The following NT5DC1 variants were observed in gnomAD, a reference collection of about 807,000 sequenced individuals.
The protein encoded by NT5DC1 is 5'-nucleotidase domain-containing protein 1.
In NT5DC1, 42 loss-of-function variants were observed where a neutral mutation model predicts 59.4. The ratio of observed to expected loss-of-function variants is 0.71; its 90% CI spans 0.55 to 0.92. The LOEUF is 0.92. NT5DC1 is among the 40% of genes least tolerant of loss of function. The probability of loss-of-function intolerance (pLI) is 0.00; values close to 1 mark genes in which losing one functional copy is unlikely to be tolerated. For synonymous variants in NT5DC1, 172 were observed against 188.1 expected, an observed-to-expected ratio of 0.91 and a Z score of 0.70; for missense variants, 501 against 537.1, an observed-to-expected ratio of 0.93 and a Z score of 0.66.
intron 1 of NT5DC1, among the ~76,000 whole-genome samples, chr6:116,104,762 T>C (rs141977570): frequency 2.0e-5 from 3 of 152,366 alleles, no homozygotes; most frequent in African/African-American, 7.2e-5. Context: ...TGGTTTCTTA[T>C]AAGCAGGATC....
intron 6 of NT5DC1, chr6:116,137,441 G>A (rs1019462813): frequency 5.5e-5 from 9 of 163,430 alleles, no homozygotes; most frequent in Non-Finnish European, 2.7e-5. Flanking sequence ...CACTCACGTA[G>A]TACACCTGGC....
At chr6:116,158,193 A>T (rs1047959965) in intron 6 of NT5DC1, among the ~76,000 whole-genome samples, 19 of 152,218 alleles carry the variant, frequency 1.2e-4, no homozygotes, top group African/African-American at 4.6e-4. Context: ...GTTATCTGTC[A>T]TTGTTGGGAG....
At chr6:116,188,086 G>T (rs1781040857) in intron 6 of NT5DC1, among the ~76,000 whole-genome samples, 1 of 151,942 alleles carries the variant, frequency 6.6e-6, no homozygotes, top group Admixed American at 6.6e-5. Context: ...CAATAAACAT[G>T]AAAATGTGCT....
chr6:116,134,036 C>T (rs537030084), intron 6 of NT5DC1, among the ~76,000 whole-genome samples: 2 of 152,166 alleles, frequency 1.3e-5, no homozygotes, highest in Non-Finnish European at 1.5e-5. Context: ...GAAGTTTAGA[C>T]ATGCTGTCAT....
chr6:116,189,628 A>G (rs1181009560), intron 6 of NT5DC1, among the ~76,000 whole-genome samples: 2 of 151,996 alleles, frequency 1.3e-5, no homozygotes, highest in African/African-American at 2.4e-5. Flanking sequence ...AGTTTAAACC[A>G]GTTATGCAGA....
intron 6 of NT5DC1, among the ~76,000 whole-genome samples, chr6:116,180,500 C>A (rs1780852333): frequency 6.6e-6 from 1 of 152,046 alleles, no homozygotes; most frequent in African/African-American, 2.4e-5. Context: ...AGTGAAACTT[C>A]ATGAATGGAG....
At chr6:116,239,573 C>A (rs1258288755) in intron 11 of NT5DC1, among the ~76,000 whole-genome samples, 1 of 152,108 alleles carries the variant, frequency 6.6e-6, no homozygotes, top group Non-Finnish European at 1.5e-5. Flanking sequence ...TATGTTGAGG[C>A]CTTGAAGGGC....
chr6:116,164,699 T>G (rs1780422744), intron 6 of NT5DC1, among the ~76,000 whole-genome samples: 1 of 152,230 alleles, frequency 6.6e-6, no homozygotes. Flanking sequence ...GCTTTTGTGG[T>G]AGCAAGTATC....
intron 8 of NT5DC1, among the ~76,000 whole-genome samples, chr6:116,228,744 AC>A (rs1490531220): frequency 6.6e-6 from 1 of 152,198 alleles, no homozygotes; most frequent in African/African-American, 2.4e-5. Flanking sequence ...CTACTTCATT[AC>A]ATTCTCTATT....
At chr6:116,205,495 C>A (rs1781432214) in intron 6 of NT5DC1, among the ~76,000 whole-genome samples, 2 of 151,802 alleles carry the variant, frequency 1.3e-5, no homozygotes, top group South Asian at 4.1e-4. Context: ...GAGTCAGCAG[C>A]TTCTCCCTCT....
At chr6:116,113,762 T>C (rs1277966712) in intron 4 of NT5DC1, among the ~76,000 whole-genome samples, 1 of 152,190 alleles carries the variant, frequency 6.6e-6, no homozygotes, top group Non-Finnish European at 1.5e-5. Flanking sequence ...GTTCAACTCT[T>C]AGACTGAATT....
At chr6:116,174,978 A>C (rs1282569603) in intron 6 of NT5DC1, among the ~76,000 whole-genome samples, 1 of 152,192 alleles carries the variant, frequency 6.6e-6, no homozygotes, top group Admixed American at 6.5e-5. Context: ...AGGTTATTGA[A>C]TGACCATAAT....
chr6:116,120,786 C>T (rs767071838), intron 6 of NT5DC1: 31 of 1,613,334 alleles, frequency 1.9e-5, no homozygotes, highest in Non-Finnish European at 2.6e-5. Flanking sequence ...ATTCCAGGGG[C>T]ACCTCTTGGG....
At chr6:116,179,703 T>C (rs926328898) in intron 6 of NT5DC1, among the ~76,000 whole-genome samples, 3 of 152,154 alleles carry the variant, frequency 2.0e-5, no homozygotes, top group Non-Finnish European at 2.9e-5. Context: ...CTAAATCAGC[T>C]TCAGTGATGA....
Position 116,197,440 on chromosome 6 carries a change from G to A in NT5DC1, c.530-23614G>A, listed in dbSNP as rs184770054. Among the ~76,000 whole-genome samples the A allele has an allele frequency of 3.3e-3, 501 of 152,102 alleles. 15 individuals carry two copies. In the South Asian group the frequency reaches 0.046, roughly 14 times the overall value. On this transcript the variant is annotated intron_variant, in intron 6 of 11. Transcript: ENST00000319550. Reference sequence around the variant, plus strand: ...TTGAATCATTGGAAGATACTGGGAAGAATCTTCCCGGTCAAGAATCAACAT... The same window carrying A: ...TTGAATCATTGGAAGATACTGGGAAAAATCTTCCCGGTCAAGAATCAACAT...
intron 6 of NT5DC1, among the ~76,000 whole-genome samples, chr6:116,215,565 C>T (rs1016809559): frequency 2.6e-5 from 4 of 152,122 alleles, no homozygotes; most frequent in African/African-American, 9.7e-5. Flanking sequence ...TCCCAGCTGT[C>T]AGCGTCCTCA....
chr6:116,232,117 C>T (rs1782030110), intron 8 of NT5DC1, among the ~76,000 whole-genome samples: 1 of 147,016 alleles, frequency 6.8e-6, no homozygotes, highest in South Asian at 2.3e-4. Context: ...AGTCTTTCCT[C>T]TGTGTCTATC....
chr6:116,108,549 T>C, intron 3 of NT5DC1, 114 bp downstream of exon 3: 1 of 675,090 alleles, frequency 1.5e-6, no homozygotes, highest in Non-Finnish European at 2.7e-6. Context: ...ATTAATCAGA[T>C]GACAGATTGT....
At chr6:116,115,460 G>A (rs974492966) in intron 4 of NT5DC1, among the ~76,000 whole-genome samples, 1 of 151,764 alleles carries the variant, frequency 6.6e-6, no homozygotes, top group Non-Finnish European at 1.5e-5. Flanking sequence ...AAATATCTTC[G>A]AATACAATGC....
Sources: gnomAD v4.1 joint callset for allele counts (sites outside exome capture counted in the v4.1 genomes callset) on GRCh38, gnomAD v4.1.1 for gene constraint, MANE v1.5 for transcripts, NCBI Gene and HGNC (gene_info 2026-07-23, HGNC 2026-07-21) for gene names.